Variants in STT3B observed in about 807,000 individuals in gnomAD.
The protein encoded by STT3B is STT3 oligosaccharyltransferase complex catalytic subunit B, also known as dolichyl-diphosphooligosaccharide--protein glycosyltransferase subunit STT3B.
In STT3B, 29 loss-of-function variants were observed where a neutral mutation model predicts 96.8. The ratio of observed to expected loss-of-function variants is 0.30; its 90% CI spans 0.22 to 0.41. The LOEUF is 0.41. Among genes scored for constraint, STT3B ranks in the 10% least tolerant of loss-of-function variants. STT3B has a pLI of 1.00. For missense variants in STT3B, 640 were observed against 1,022.3 expected (o/e 0.63, Z 5.10); for synonymous variants, 367 against 360.0 (o/e 1.02, Z -0.22).
At chr3:31,599,631 A>C (rs1203458455) in intron 4 of STT3B, among the ~76,000 whole-genome samples, 2 of 152,226 alleles carry the variant, frequency 1.3e-5, no homozygotes, top group Non-Finnish European at 2.9e-5. Context: ...TTATTAGAGG[A>C]CATCTAAGAA....
At position 31,538,158 on chromosome 3, in the gene STT3B, CT is replaced by C. The variant is rs555986932; in HGVS notation, c.314+4849del. Among the ~76,000 whole-genome samples the C allele has an allele frequency of 6.5e-4, 99 of 152,284 alleles. 1 individual carries two copies. In the South Asian group the frequency reaches 0.018, roughly 27 times the overall value. On this transcript the variant is annotated intron_variant, in intron 1 of 15. Transcript: ENST00000295770. ...CCTAGATTCTACAATTAATATTTTGCTTTAGCATATCTTCCTATCCATTACT... is the reference window on the plus strand; with the variant it reads ...CCTAGATTCTACAATTAATATTTTGCTTAGCATATCTTCCTATCCATTACT...
chr3:31,586,149 T>C (rs1353989824), intron 3 of STT3B, among the ~76,000 whole-genome samples: 1 of 152,102 alleles, frequency 6.6e-6, no homozygotes, highest in Non-Finnish European at 1.5e-5. Flanking sequence ...CCCATTCTTG[T>C]AGGTAGGTAG....
chr3:31,565,295 A>G lies in STT3B; in HGVS notation c.315-11101A>G, dbSNP rs577104143. Reference sequence around the variant, plus strand: ...TTCTTTTTGTTACACTTACTATTCAAATGATAGCAGGCAGACATTATATTT... The same window carrying G: ...TTCTTTTTGTTACACTTACTATTCAGATGATAGCAGGCAGACATTATATTT... On this transcript the variant is annotated intron_variant, in intron 1 of 15. Coordinates refer to ENST00000295770, the MANE Select transcript of STT3B (RefSeq NM_178862.3). Among the ~76,000 whole-genome samples the G allele has an allele frequency of 1.8e-4, 27 of 152,350 alleles. 1 individual carries two copies. In the South Asian group the frequency reaches 5.2e-3, roughly 29 times the overall value.
At chr3:31,574,578 C>T (rs1321377845) in intron 1 of STT3B, among the ~76,000 whole-genome samples, 2 of 152,018 alleles carry the variant, frequency 1.3e-5, no homozygotes, top group African/African-American at 4.8e-5. Flanking sequence ...TTTTTAAATT[C>T]TGATCTGGTA....
chr3:31,571,156 G>A (rs1698126980), intron 1 of STT3B, among the ~76,000 whole-genome samples: 1 of 152,116 alleles, frequency 6.6e-6, no homozygotes, highest in Non-Finnish European at 1.5e-5. Flanking sequence ...GACATGAACA[G>A]GCAGCTCTAA....
intron 13 of STT3B, among the ~76,000 whole-genome samples, chr3:31,628,789 A>G (rs1699589709): frequency 2.0e-5 from 3 of 152,180 alleles, no homozygotes; most frequent in Admixed American, 2.0e-4. Flanking sequence ...CTTACCTGGT[A>G]TTAAGCCATG....
In STT3B at chr3:31,622,116, T is replaced by C; in HGVS notation, c.1347T>C (p.Ser449=). ...TTGCAGTTGCTCTATATGCAATCAGTGCTGTCTACTTTGCTGGAGTGATGG... is the reference window on the plus strand; with the variant it reads ...TTGCAGTTGCTCTATATGCAATCAGCGCTGTCTACTTTGCTGGAGTGATGG... ...ERVFVALYAI[S]AVYFAGVMVR... Residue 449 remains serine, a synonymous_variant, in exon 10 of 16, where the codon AGT becomes AGC. Coordinates refer to ENST00000295770, the MANE Select transcript of STT3B (RefSeq NM_178862.3). 6.2e-7 allele frequency: 1 copy of C among 1,614,026 alleles called. No individual in the cohort carries two copies. Among genetic ancestry groups the C allele is most frequent in the Non-Finnish European group, 8.5e-7 (1 of 1,179,856 alleles).
At chr3:31,591,869 A>G (rs1698671845) in intron 3 of STT3B, among the ~76,000 whole-genome samples, 2 of 152,018 alleles carry the variant, frequency 1.3e-5, no homozygotes, top group Admixed American at 1.3e-4. Context: ...TTTTAGCCTG[A>G]AGGACTTTCT....
chr3:31,570,058 T>C (rs1179821304), intron 1 of STT3B, among the ~76,000 whole-genome samples: 2 of 152,126 alleles, frequency 1.3e-5, no homozygotes, highest in African/African-American at 2.4e-5. Flanking sequence ...TCAACAGTTT[T>C]CAGTTTATGA....
chr3:31,555,635 C>T (rs922166755), intron 1 of STT3B, among the ~76,000 whole-genome samples: 1 of 151,998 alleles, frequency 6.6e-6, no homozygotes, highest in African/African-American at 2.4e-5. Flanking sequence ...CTTATTTATA[C>T]TTGTCTTGTT....
At position 31,588,457 on chromosome 3, in the gene STT3B, T is replaced by G. The variant is rs138376113; in HGVS notation, c.712-8341T>G. ...TAAGCCTAATCCATTAAAAAAATCCTTTTACAAAAATGTCTCTTTAGTCAT... is the reference window on the plus strand; with the variant it reads ...TAAGCCTAATCCATTAAAAAAATCCGTTTACAAAAATGTCTCTTTAGTCAT... On this transcript the variant is annotated intron_variant, in intron 3 of 15. Transcript: ENST00000295770. Among the ~76,000 whole-genome samples, 1,075 of 152,188 alleles carry G rather than the reference T, an allele frequency of 7.1e-3. 12 individuals carry two copies. Among genetic ancestry groups the G allele is most frequent in the African/African-American group, 0.024 (993 of 41,566 alleles).
chr3:31,577,553 A>G (rs1191067971), intron 2 of STT3B, among the ~76,000 whole-genome samples: 2 of 152,072 alleles, frequency 1.3e-5, no homozygotes, highest in African/African-American at 4.8e-5. Context: ...TGTAATTTCA[A>G]TCCTTTAAAA....
chr3:31,637,458 A>G lies in STT3B; in HGVS notation c.*1394A>G, dbSNP rs1258761560. ...TTGACCCAGATGATGGTTCCTTTAC[A>G]GAACAATAAAATGGCTGAACATTTT... On this transcript the variant is annotated 3_prime_UTR_variant, in exon 16 of 16. Transcript: ENST00000295770. 6.6e-6 allele frequency: 1 copy of G among 152,246 alleles called. No homozygotes were observed. Among genetic ancestry groups the G allele is most frequent in the Non-Finnish European group, 1.5e-5 (1 of 68,026 alleles). 9.4% of individuals were successfully genotyped at this position (152,246 alleles called of 1,614,324 possible). A position where few individuals can be genotyped will look rare whatever the true frequency, so the allele number is the denominator to read the frequency against.
In STT3B at chr3:31,626,068, A is replaced by G. The variant is rs1177774070; in HGVS notation, c.2014A>G (p.Ile672Val). The G allele has an allele frequency of 6.2e-7, 1 of 1,613,894 alleles. No homozygotes were observed. Among genetic ancestry groups the G allele is most frequent in the South Asian group, 1.1e-5 (1 of 91,082 alleles). Residue 672 changes from isoleucine (I) to valine (V), a missense_variant, in exon 13 of 16, where the codon ATC becomes GTC. Around this residue, in one of 8 missense-constraint regions of STT3B, gnomAD observed 149 missense variants for 250.2 expected, o/e 0.60. Transcript: ENST00000295770. ...GGTTATTGGCTATTCTGGTGATGAT[A>G]TCAACAAATTTCTCTGGATGGTTAG... ...GGVIGYSGDD[I>V]NKFLWMVRIA...
At chr3:31,546,702 A>G (rs956632426) in intron 1 of STT3B, among the ~76,000 whole-genome samples, 16 of 152,140 alleles carry the variant, frequency 1.1e-4, no homozygotes, top group Non-Finnish European at 2.4e-4. Flanking sequence ...GTCTCTCCCA[A>G]AGTTTTAGAC....
rs766340384 is a variant in STT3B at position 31,636,070 on chromosome 3, C to G, written c.*6C>G. ...TATCTAAGAAGACTGTTTAAATGCACTGTTCTGGTTCCTAACTTGAAGCAG... is the reference window on the plus strand; with the variant it reads ...TATCTAAGAAGACTGTTTAAATGCAGTGTTCTGGTTCCTAACTTGAAGCAG... On this transcript the variant is annotated 3_prime_UTR_variant, in exon 16 of 16. Coordinates refer to ENST00000295770, the MANE Select transcript of STT3B (RefSeq NM_178862.3). 28 of 1,599,278 alleles carry G rather than the reference C, an allele frequency of 1.8e-5. No individual in the cohort carries two copies. In the Middle Eastern group the frequency reaches 5.0e-4, roughly 28 times the overall value.
At chr3:31,629,493 A>G (rs1699606934) in intron 14 of STT3B, 82 bp downstream of exon 14, 1 of 701,470 alleles carries the variant, frequency 1.4e-6, no homozygotes, top group Non-Finnish European at 2.4e-6. Flanking sequence ...AAACAGGATA[A>G]TGATATTTTG....
At chr3:31,583,885 C>A (rs915097033) in intron 3 of STT3B, among the ~76,000 whole-genome samples, 1 of 152,110 alleles carries the variant, frequency 6.6e-6, no homozygotes, top group African/African-American at 2.4e-5. Context: ...TGCCTTTTCA[C>A]TCTGGATAGT....
chr3:31,582,590 G>A (rs1194020148), intron 3 of STT3B, among the ~76,000 whole-genome samples: 1 of 151,924 alleles, frequency 6.6e-6, no homozygotes, highest in African/African-American at 2.4e-5. Flanking sequence ...ACCGCGCCCA[G>A]CCCTAGTTTG....
Sources: allele counts gnomAD v4.1 joint callset (sites outside exome capture counted in the v4.1 genomes callset), GRCh38; gene constraint gnomAD v4.1.1; regional missense constraint gnomAD v4.1.1; transcripts MANE v1.5; gene names NCBI Gene and HGNC (gene_info 2026-07-23, HGNC 2026-07-21).